The following ATP2B2 variants were observed in gnomAD, a reference collection of about 807,000 sequenced individuals.
The protein encoded by ATP2B2 is ATPase plasma membrane Ca2+ transporting 2.
Under a neutral mutation model 120.0 loss-of-function variants are expected in ATP2B2, and 15 were observed. The ratio of observed to expected loss-of-function variants is 0.12; its 90% CI spans 0.08 to 0.19. ATP2B2 has a LOEUF of 0.19. ATP2B2 is among the 10% of genes least tolerant of loss of function. ATP2B2 has a pLI of 1.00. For missense variants in ATP2B2, 1,045 were observed against 1,719.8 expected, an observed-to-expected ratio of 0.61 and a Z score of 6.94; for synonymous variants, 694 against 700.3, an observed-to-expected ratio of 0.99 and a Z score of 0.14.
At chr3:10,393,346 G>A (rs2061920000) in intron 5 of ATP2B2, among the ~76,000 whole-genome samples, 1 of 152,136 alleles carries the variant, frequency 6.6e-6, no homozygotes, top group African/African-American at 2.4e-5. Flanking sequence ...ATAGGAAGCC[G>A]CTGAGAGTAT....
rs779821154 is a variant in ATP2B2 at position 10,410,646 on chromosome 3, G to A, written c.369C>T (p.Phe123=). 39 of 1,609,956 alleles carry A rather than the reference G, an allele frequency of 2.4e-5. No homozygotes were observed. Among genetic ancestry groups the A allele is most frequent in the Non-Finnish European group, 3.2e-5 (38 of 1,176,642 alleles). ...CGTTGCCCTCGCCGGGCGGGTGGTAGAAGGACAGCCCCAGGGAGATGATGG... is the reference window on the plus strand; with the variant it reads ...CGTTGCCCTCGCCGGGCGGGTGGTAAAAGGACAGCCCCAGGGAGATGATGG... ...IAAIISLGLS[F]YHPPGEGNEG... Residue 123 remains phenylalanine, a synonymous_variant, in exon 3 of 23, where the codon TTC becomes TTT. Transcript: ENST00000360273.
chr3:10,554,229 A>T (rs1256897915), intron 2 of ATP2B2, among the ~76,000 whole-genome samples: 2 of 152,106 alleles, frequency 1.3e-5, no homozygotes, highest in African/African-American at 2.4e-5. Context: ...AAGAGAAAAA[A>T]CTGGGTCCAA....
intron 1 of ATP2B2, among the ~76,000 whole-genome samples, chr3:10,632,430 C>T (rs979389921): frequency 3.3e-5 from 5 of 152,008 alleles, no homozygotes; most frequent in Non-Finnish European, 5.9e-5. Flanking sequence ...TTACGTGTTA[C>T]AGTTACTGTT....
At chr3:10,699,475 A>C (rs1482898160) in intron 1 of ATP2B2, among the ~76,000 whole-genome samples, 1 of 152,252 alleles carries the variant, frequency 6.6e-6, no homozygotes, top group Non-Finnish European at 1.5e-5. Context: ...AATCATAGAG[A>C]AATGTCTGGA....
rs148105657 is a variant in ATP2B2, at chr3:10,697,479, T to C, written c.-460+10436A>G. On this transcript the variant is annotated intron_variant, in intron 1 of 21. Coordinates refer to the ATP2B2 transcript ENST00000646379. ...ATAAGTATAAGGACAATACCCAACA[T>C]ACAGTAGGCCCTCCAGAAAGAGTCC... is the stretch of plus-strand genomic sequence containing the variant. 4.6e-3 allele frequency among the ~76,000 whole-genome samples: 700 copies of C among 152,246 alleles called. 8 individuals are homozygous for C. Among genetic ancestry groups the C allele is most frequent in the African/African-American group, 0.016 (651 of 41,540 alleles).
At chr3:10,446,954 G>A (rs682575) in intron 2 of ATP2B2, among the ~76,000 whole-genome samples, 123,142 of 152,080 alleles carry the variant, frequency 0.81, 50,545 homozygotes, top group Non-Finnish European at 0.88. Flanking sequence ...TATTCTGTGG[G>A]ATCCCCTCTA....
At chr3:10,654,361 A>G (rs73037807) in intron 1 of ATP2B2, among the ~76,000 whole-genome samples, 4,104 of 152,212 alleles carry the variant, frequency 0.027, 61 homozygotes, top group South Asian at 0.092. Context: ...CGGACACATA[A>G]AAGGTCTTGA....
chr3:10,538,861 T>C (rs1401870840), intron 2 of ATP2B2, among the ~76,000 whole-genome samples: 1 of 152,134 alleles, frequency 6.6e-6, no homozygotes, highest in Non-Finnish European at 1.5e-5. Flanking sequence ...ACATACTGTT[T>C]GAAGTTCTGG....
At chr3:10,379,003 G>A (rs1040844457) in intron 9 of ATP2B2, among the ~76,000 whole-genome samples, 10 of 152,204 alleles carry the variant, frequency 6.6e-5, no homozygotes, top group East Asian at 3.8e-4. Context: ...TGAATGGGGC[G>A]CAGAGTTCAA....
intron 8 of ATP2B2, among the ~76,000 whole-genome samples, chr3:10,383,929 G>A (rs1431704044): frequency 1.3e-5 from 2 of 152,140 alleles, no homozygotes; most frequent in Non-Finnish European, 2.9e-5. Context: ...GGGTGAAGTG[G>A]GTGCCCCCTC....
intron 1 of ATP2B2, among the ~76,000 whole-genome samples, chr3:10,477,146 C>T (rs1309693546): frequency 1.3e-5 from 2 of 152,236 alleles, no homozygotes; most frequent in Non-Finnish European, 2.9e-5. Context: ...CCTGCCTGGC[C>T]TCTCCTGCTA....
chr3:10,667,662 A>C (rs79458507), intron 1 of ATP2B2, among the ~76,000 whole-genome samples: 6,512 of 152,256 alleles, frequency 0.043, 160 homozygotes, highest in East Asian at 0.08. Flanking sequence ...TATTCTACAG[A>C]GGTCGAGGGA....
intron 2 of ATP2B2, among the ~76,000 whole-genome samples, chr3:10,578,678 C>T (rs74562408): frequency 6.6e-6 from 1 of 152,148 alleles, no homozygotes; most frequent in South Asian, 2.1e-4. Context: ...CACAAGAGAA[C>T]AGATGAACAA....
chr3:10,388,242 G>A, intron 6 of ATP2B2, 35 bp downstream of exon 6: 1 of 1,613,848 alleles, frequency 6.2e-7, no homozygotes, highest in Non-Finnish European at 8.5e-7. Flanking sequence ...GGCCTTAAGA[G>A]CTCCTCTCCT....
intron 3 of ATP2B2, among the ~76,000 whole-genome samples, chr3:10,517,388 G>T (rs1242506144): frequency 6.6e-6 from 1 of 152,234 alleles, no homozygotes; most frequent in Non-Finnish European, 1.5e-5. Flanking sequence ...TCCCAGGGAT[G>T]CAGTGTGGGC....
At chr3:10,557,821 C>T (rs769291957) in intron 2 of ATP2B2, among the ~76,000 whole-genome samples, 11 of 152,124 alleles carry the variant, frequency 7.2e-5, no homozygotes, top group Non-Finnish European at 1.0e-4. Context: ...TGTTGCTATA[C>T]CATCCTGCTA....
At chr3:10,379,661 G>C (rs75260796) in intron 8 of ATP2B2, among the ~76,000 whole-genome samples, 2 of 152,284 alleles carry the variant, frequency 1.3e-5, no homozygotes, top group East Asian at 1.9e-4. Context: ...TTTTGTGACC[G>C]ATTTGGTGTT....
Position 10,402,374 on chromosome 3 carries a change from G to C in ATP2B2, c.398-26C>G, listed in dbSNP as rs778908903. 14 of 1,610,790 alleles carry C rather than the reference G, an allele frequency of 8.7e-6. No individual in the cohort carries two copies. The highest frequency in any genetic ancestry group is 3.3e-5 in the Admixed American group (2 of 60,012). On this transcript the variant is annotated intron_variant, in intron 3 of 22. Coordinates refer to ENST00000360273, the MANE Select transcript of ATP2B2 (RefSeq NM_001001331.4). This position sits in a 1 kb window ranked among gnomAD's most constrained non-coding sequence, Gnocchi z 4.9. ...CTGAAAGACCAGATAGAAGCAGGCA[G>C]AGTGAGGTCAACCAGACAGGAGAGG... is the stretch of plus-strand genomic sequence containing the variant.
intron 6 of ATP2B2, 89 bp from the exon 7 acceptor site, chr3:10,386,601 G>A (rs1028049677): frequency 2.1e-6 from 3 of 1,406,110 alleles, no homozygotes; most frequent in Non-Finnish European, 3.0e-6. Flanking sequence ...AAACACACAT[G>A]TGCATACACA....
Sources: gnomAD v4.1 joint callset for allele counts (sites outside exome capture counted in the v4.1 genomes callset) on GRCh38, gnomAD v4.1.1 for gene constraint, Gnocchi (gnomAD v3.1) non-coding constraint, MANE v1.5 for transcripts, NCBI Gene and HGNC (gene_info 2026-07-23, HGNC 2026-07-21) for gene names.